The following SEC14L6 variants were observed in gnomAD, a reference collection of about 807,000 sequenced individuals.
The protein encoded by SEC14L6 is SEC14-like protein 6.
Under a neutral mutation model 54.1 loss-of-function variants are expected in SEC14L6, and 40 were observed. The ratio of observed to expected loss-of-function variants is 0.74; its 90% CI spans 0.57 to 0.96. The LOEUF (loss-of-function observed/expected upper bound fraction) is 0.96. SEC14L6 is among the 40% of genes least tolerant of loss of function. The pLI is 0.00. For synonymous variants in SEC14L6, 171 were observed against 198.4 expected (o/e 0.86, Z 1.16); for missense variants, 471 against 498.3 (o/e 0.95, Z 0.52).
chr22:30,544,451 G>A (rs1161443419), intron 1 of SEC14L6: 1 of 167,360 alleles, frequency 6.0e-6, no homozygotes, highest in East Asian at 1.7e-4. Context: ...GGGTGGGGAG[G>A]AGAAAATCCC....
intron 3 of SEC14L6, 182 bp from the exon 4 acceptor site, chr22:30,533,038 A>G: frequency 6.1e-6 from 6 of 985,368 alleles, no homozygotes; most frequent in Non-Finnish European, 7.2e-6. Context: ...GGGGACATGC[A>G]TCTGAGAGGC....
chr22:30,526,191 C>T (rs986571614), intron 8 of SEC14L6, among the ~76,000 whole-genome samples: 1 of 152,230 alleles, frequency 6.6e-6, no homozygotes. Context: ...CAGGCCCTGC[C>T]CCCACATCTG....
At chr22:30,537,479 C>G (rs905342638) in intron 2 of SEC14L6, among the ~76,000 whole-genome samples, 1 of 151,942 alleles carries the variant, frequency 6.6e-6, no homozygotes, top group African/African-American at 2.4e-5. Flanking sequence ...ATTAGCCAGG[C>G]GTGGTGCCGA....
In SEC14L6 at chr22:30,545,093, A is replaced by G. The variant is rs541162598; in HGVS notation, c.54+1536T>C. Among the ~76,000 whole-genome samples, 6 of 152,134 alleles carry G rather than the reference A, an allele frequency of 3.9e-5. No individual in the cohort carries two copies. The East Asian group carries it at 1.2e-3, about 29-fold the overall frequency. ...AGGACCCGTCGTTGCCTCCATGCTC[A>G]TGGAACCGTGTGAGTCTTCCTGGAC... On this transcript the variant is annotated intron_variant, in intron 1 of 11. Transcript: ENST00000402034.
At chr22:30,530,557 C>T (rs375996106) in intron 6 of SEC14L6, among the ~76,000 whole-genome samples, 7 of 152,154 alleles carry the variant, frequency 4.6e-5, no homozygotes, top group Non-Finnish European at 1.0e-4. Context: ...CACACCACTA[C>T]GCCCAGCGAA....
At chr22:30,540,422 G>C (rs2085683932) in intron 1 of SEC14L6, among the ~76,000 whole-genome samples, 1 of 124,164 alleles carries the variant, frequency 8.1e-6, no homozygotes, top group Non-Finnish European at 1.6e-5. Context: ...TGGGCATTAA[G>C]ATCAATTACT....
chr22:30,541,148 T>C (rs973950933), intron 1 of SEC14L6, among the ~76,000 whole-genome samples: 2 of 152,178 alleles, frequency 1.3e-5, no homozygotes, highest in Non-Finnish European at 2.9e-5. Flanking sequence ...GTTTATACTT[T>C]GTTTTCTTTT....
rs761104491 is a variant in SEC14L6, at chr22:30,525,738, C to T, written c.784G>A (p.Gly262Ser). Residue 262 changes from glycine to serine, a missense_variant, in exon 10 of 12, where the codon GGT becomes AGT. Physicochemically the swap from Gly to Ser is moderately conservative, Grantham distance 56. Transcript: ENST00000402034. ...PKCLTKINYG[G>S]EVPKSYYLCK... ...AGGTAGTAGCTCTTGGGCACCTCACCCCCGTAGTTGATCTGTGGGTGAAGG... is the reference window on the plus strand; with the variant it reads ...AGGTAGTAGCTCTTGGGCACCTCACTCCCGTAGTTGATCTGTGGGTGAAGG... The T allele has an allele frequency of 1.9e-6, 3 of 1,613,968 alleles. No individual in the cohort carries two copies. Among genetic ancestry groups the T allele is most frequent in the Non-Finnish European group, 2.5e-6 (3 of 1,179,928 alleles).
chr22:30,532,489 G>A, intron 5 of SEC14L6, 36 bp downstream of exon 5: 6 of 1,519,674 alleles, frequency 3.9e-6, no homozygotes, highest in Non-Finnish European at 5.3e-6. Context: ...AGGGTGCTGT[G>A]TCCGGCTGCA....
intron 2 of SEC14L6, among the ~76,000 whole-genome samples, chr22:30,537,865 ACTC>A (rs2085626618): frequency 6.6e-6 from 1 of 152,050 alleles, no homozygotes; most frequent in Non-Finnish European, 1.5e-5. Context: ...ATAAAGCCAA[ACTC>A]CTCTGCTTGA....
chr22:30,533,433 T>G (rs977788207), intron 3 of SEC14L6, among the ~76,000 whole-genome samples: 4 of 152,068 alleles, frequency 2.6e-5, no homozygotes, highest in African/African-American at 9.7e-5. Context: ...AAACCCTGTC[T>G]CTACTAAAAA....
At chr22:30,529,042 G>T in intron 8 of SEC14L6, 45 bp downstream of exon 8, 1 of 1,465,032 alleles carries the variant, frequency 6.8e-7, no homozygotes, top group Non-Finnish European at 9.3e-7. Context: ...ACCACCCTCA[G>T]CTCAGGATCC....
chr22:30,543,000 G>GCGTGCCAAACCCTCTGCC (rs2085752472), intron 1 of SEC14L6: 35 of 1,602,290 alleles, frequency 2.2e-5, no homozygotes, highest in Non-Finnish European at 3.0e-5. Context: ...AGCTGTCTGT[G>GCGTGCCAAACCCTCTGCC]CGTGCCAAAC....
Position 30,543,618 on chromosome 22 carries a change from A to G in SEC14L6, c.54+3011T>C, listed in dbSNP as rs149859950. 1.6e-4 allele frequency: 257 copies of G among 1,613,434 alleles called. 1 individual carries two copies. In the East Asian group the frequency reaches 5.2e-3, roughly 32 times the overall value. ...GCAAAAGCCATGACCTGAAGGTCTC[A>G]GCCCACCTGAAGGAGCAGAGCTCAA... On this transcript the variant is annotated intron_variant, in intron 1 of 11. Transcript: ENST00000402034.
At position 30,542,500 on chromosome 22, in the gene SEC14L6, G is replaced by A. The variant is rs995573718; in HGVS notation, c.55-3598C>T. The A allele has an allele frequency of 1.4e-4, 95 of 668,216 alleles. 2 individuals are homozygous for A. Among genetic ancestry groups the A allele is most frequent in the Middle Eastern group, 4.3e-4 (1 of 2,306 alleles). 41.4% of individuals were successfully genotyped at this position (668,216 alleles called of 1,614,324 possible). ...ACAAGTTTGCGCAAAGTGGAGCGGG[G>A]ACCCGGCCTCTGGGCAGCCCCGGCG... On this transcript the variant is annotated intron_variant, in intron 1 of 11. Transcript: ENST00000402034.
At chr22:30,540,362 T>G (rs1295201215) in intron 1 of SEC14L6, among the ~76,000 whole-genome samples, 1 of 150,122 alleles carries the variant, frequency 6.7e-6, no homozygotes, top group Non-Finnish European at 1.5e-5. Flanking sequence ...CCCTCCTTTT[T>G]GTTCCTTTTT....
At chr22:30,546,377 C>G (rs2085797829) in intron 1 of SEC14L6, among the ~76,000 whole-genome samples, 1 of 140,262 alleles carries the variant, frequency 7.1e-6, no homozygotes, top group East Asian at 2.1e-4. Context: ...GAGCGAAACT[C>G]CGTCTCAAAA....
intron 8 of SEC14L6, 120 bp downstream of exon 8, chr22:30,528,967 G>C: frequency 1.2e-6 from 1 of 833,056 alleles, no homozygotes; most frequent in Non-Finnish European, 1.9e-6. Flanking sequence ...CCAGGCAGTG[G>C]GCCCTCAACA....
chr22:30,525,596 G>A lies in SEC14L6; in HGVS notation c.911+15C>T, dbSNP rs1198685945. ...TCCCAGATGTGCCCAGGTGTAGAGT[G>A]GCTGCCATCCCTACCTGAGCACACA... On this transcript the variant is annotated intron_variant, in intron 10 of 11. Coordinates refer to ENST00000402034, the MANE Select transcript of SEC14L6 (RefSeq NM_001193336.4). The A allele has an allele frequency of 6.2e-7, 1 of 1,609,314 alleles. No homozygotes were observed. The highest frequency in any genetic ancestry group is 1.1e-5 in the South Asian group (1 of 90,800).
Sources: gnomAD v4.1 joint callset for allele counts (sites outside exome capture counted in the v4.1 genomes callset) on GRCh38, gnomAD v4.1.1 for gene constraint, MANE v1.5 for transcripts, NCBI Gene and HGNC (gene_info 2026-07-23, HGNC 2026-07-21) for gene names.